Variants in PARM1 observed in about 807,000 individuals in gnomAD.
PARM1 encodes prostate androgen-regulated mucin-like protein 1, also known as WSC4, cell wall integrity and stress response component 4 homolog.
A neutral mutation model predicts 24.6 loss-of-function variants in PARM1; 14 were observed. The observed-to-expected ratio is 0.57, with a 90% CI of 0.38 to 0.89. PARM1 has a LOEUF of 0.89. Among genes scored for constraint, PARM1 ranks in the 40% least tolerant of loss-of-function variants. The probability of loss-of-function intolerance (pLI) is 0.00; values close to 1 mark genes in which losing one functional copy is unlikely to be tolerated. For missense variants in PARM1, 362 were observed against 380.4 expected (o/e 0.95, Z 0.40); for synonymous variants, 179 against 156.6 (o/e 1.14, Z -1.07).
At chr4:74,970,652 C>T (rs1448480378) in intron 1 of PARM1, among the ~76,000 whole-genome samples, 5 of 152,198 alleles carry the variant, frequency 3.3e-5, no homozygotes, top group Non-Finnish European at 7.3e-5. Context: ...TTTTACCGAG[C>T]ATGTTTCAAA....
chr4:74,942,963 A>G (rs1578021601), intron 1 of PARM1, among the ~76,000 whole-genome samples: 1 of 151,806 alleles, frequency 6.6e-6, no homozygotes, highest in Non-Finnish European at 1.5e-5. Flanking sequence ...GATCTTCTAC[A>G]CTCTTCTTTG....
chr4:74,998,883 G>A (rs1046062587), intron 1 of PARM1, among the ~76,000 whole-genome samples: 5 of 152,150 alleles, frequency 3.3e-5, no homozygotes, highest in African/African-American at 4.8e-5. Context: ...AATAAAACCC[G>A]AAGGCTCTCC....
intron 1 of PARM1, among the ~76,000 whole-genome samples, chr4:75,008,638 G>T (rs1722814298): frequency 1.3e-5 from 2 of 152,140 alleles, no homozygotes; most frequent in Non-Finnish European, 2.9e-5. Flanking sequence ...TATCAGTACA[G>T]AATTTATTAA....
intron 3 of PARM1, among the ~76,000 whole-genome samples, chr4:75,035,542 C>G (rs1244851228): frequency 1.3e-5 from 2 of 152,144 alleles, no homozygotes; most frequent in African/African-American, 4.8e-5. Context: ...GATATGATTC[C>G]TCATCTCAGA....
At chr4:75,034,053 G>A in intron 3 of PARM1, 92 bp downstream of exon 3, 1 of 998,458 alleles carries the variant, frequency 1.0e-6, no homozygotes, top group Non-Finnish European at 1.5e-6. Context: ...TCCTTAATAG[G>A]TATCTTAGCC....
Position 74,998,151 on chromosome 4 carries a change from T to A in PARM1, c.44-14274T>A, listed in dbSNP as rs139124136. Among the ~76,000 whole-genome samples the A allele has an allele frequency of 4.5e-3, 681 of 152,304 alleles. 6 individuals are homozygous for A. Among genetic ancestry groups the A allele is most frequent in the African/African-American group, 0.016 (655 of 41,572 alleles). ...TCCCCAGTTGGCATTGCAAACACTGTCTTTAGCAGAGGTGGCCATGCTGCA... is the reference window on the plus strand; with the variant it reads ...TCCCCAGTTGGCATTGCAAACACTGACTTTAGCAGAGGTGGCCATGCTGCA... On this transcript the variant is annotated intron_variant, in intron 1 of 3. Transcript: ENST00000307428.
intron 1 of PARM1, among the ~76,000 whole-genome samples, chr4:74,974,488 G>A (rs1406751717): frequency 6.6e-6 from 1 of 152,172 alleles, no homozygotes; most frequent in Non-Finnish European, 1.5e-5. Flanking sequence ...TCAAGCTCAG[G>A]AGGCCTGGAG....
intron 1 of PARM1, among the ~76,000 whole-genome samples, chr4:74,933,640 G>T (rs1267272900): frequency 6.6e-6 from 1 of 152,242 alleles, no homozygotes; most frequent in African/African-American, 2.4e-5. Context: ...TTAGCTGCGT[G>T]TTCGAACCCA....
At chr4:75,016,802 G>A (rs1217792809) in intron 2 of PARM1, among the ~76,000 whole-genome samples, 3 of 151,892 alleles carry the variant, frequency 2.0e-5, no homozygotes, top group Admixed American at 6.6e-5. Context: ...TCACTCCTGC[G>A]TGGATGACTC....
chr4:74,939,836 CA>C (rs1320805073), intron 1 of PARM1, among the ~76,000 whole-genome samples: 1 of 152,008 alleles, frequency 6.6e-6, no homozygotes, highest in African/African-American at 2.4e-5. Context: ...GATAAATTAC[CA>C]GGTGTGATAT....
At chr4:75,026,878 A>G (rs1723191103) in intron 2 of PARM1, among the ~76,000 whole-genome samples, 1 of 152,192 alleles carries the variant, frequency 6.6e-6, no homozygotes, top group South Asian at 2.1e-4. Context: ...TATGAGGTGG[A>G]GAGGACAGGG....
At chr4:74,954,239 G>A (rs998602533) in intron 1 of PARM1, among the ~76,000 whole-genome samples, 2 of 152,224 alleles carry the variant, frequency 1.3e-5, no homozygotes, top group Non-Finnish European at 2.9e-5. Context: ...TACTTAATCA[G>A]CGTTGAGTTT....
At chr4:75,017,728 A>T (rs1017665675) in intron 2 of PARM1, among the ~76,000 whole-genome samples, 2 of 152,242 alleles carry the variant, frequency 1.3e-5, no homozygotes, top group African/African-American at 4.8e-5. Context: ...TGCAAATAGG[A>T]AGATATGGGC....
At chr4:74,989,081 T>C (rs1722413130) in intron 1 of PARM1, among the ~76,000 whole-genome samples, 1 of 152,184 alleles carries the variant, frequency 6.6e-6, no homozygotes, top group Non-Finnish European at 1.5e-5. Flanking sequence ...TATTCTCTTT[T>C]ACGTCTTAAT....
At chr4:74,996,011 T>C (rs1722570536) in intron 1 of PARM1, among the ~76,000 whole-genome samples, 1 of 152,242 alleles carries the variant, frequency 6.6e-6, no homozygotes, top group Admixed American at 6.5e-5. Context: ...TCTGGGATTT[T>C]TGACATAATG....
At chr4:74,938,452 G>A (rs1721237342) in intron 1 of PARM1, among the ~76,000 whole-genome samples, 1 of 152,156 alleles carries the variant, frequency 6.6e-6, no homozygotes, top group Non-Finnish European at 1.5e-5. Flanking sequence ...TTGTTCATAA[G>A]ATATCAAATG....
At chr4:74,974,114 G>A (rs970668481) in intron 1 of PARM1, among the ~76,000 whole-genome samples, 1 of 152,170 alleles carries the variant, frequency 6.6e-6, no homozygotes, top group African/African-American at 2.4e-5. Flanking sequence ...TATGCCATGA[G>A]GCAGAAAAAG....
intron 1 of PARM1, among the ~76,000 whole-genome samples, chr4:74,996,218 A>G (rs905174739): frequency 1.3e-5 from 2 of 151,848 alleles, no homozygotes; most frequent in Non-Finnish European, 2.9e-5. Flanking sequence ...TAATTATACC[A>G]CATTCTAACT....
intron 1 of PARM1, among the ~76,000 whole-genome samples, chr4:74,968,132 G>T (rs1721943684): frequency 6.6e-6 from 1 of 152,028 alleles, no homozygotes; most frequent in African/African-American, 2.4e-5. Flanking sequence ...TGATATTTAA[G>T]GACAAGCCAA....
Sources: allele counts gnomAD v4.1 joint callset (sites outside exome capture counted in the v4.1 genomes callset), GRCh38; gene constraint gnomAD v4.1.1; transcripts MANE v1.5; gene names NCBI Gene and HGNC (gene_info 2026-07-23, HGNC 2026-07-21).